DENND1A: variants seen among roughly 807,000 people sequenced by gnomAD.
DENND1A encodes the protein DENN domain-containing protein 1A.
Under a neutral mutation model 113.7 loss-of-function variants are expected in DENND1A, and 51 were observed. The observed-to-expected ratio is 0.45, with a 90% CI of 0.36 to 0.57. DENND1A has a LOEUF of 0.57. Among genes scored for constraint, DENND1A ranks in the 20% least tolerant of loss-of-function variants. The probability of loss-of-function intolerance (pLI) is 0.00; values close to 1 mark genes in which losing one functional copy is unlikely to be tolerated. For missense variants in DENND1A, 1,258 were observed against 1,395.9 expected (o/e 0.90, Z 1.57); for synonymous variants, 565 against 570.8 (o/e 0.99, Z 0.14).
At chr9:123,569,246 G>C (rs372854713) in intron 12 of DENND1A, among the ~76,000 whole-genome samples, 2 of 152,234 alleles carry the variant, frequency 1.3e-5, no homozygotes, top group Admixed American at 6.5e-5. Context: ...AATTGAATTC[G>C]CTGGCAGCAC....
intron 19 of DENND1A, among the ~76,000 whole-genome samples, chr9:123,418,904 G>A (rs973041418): frequency 1.3e-5 from 2 of 152,226 alleles, no homozygotes; most frequent in African/African-American, 4.8e-5. Context: ...TTGTGCATGG[G>A]GCAGAGGGCA....
chr9:123,652,170 T>C (rs2062695231), intron 8 of DENND1A, 47 bp from the exon 9 acceptor site: 1 of 1,443,340 alleles, frequency 6.9e-7, no homozygotes, highest in African/African-American at 1.4e-5. Context: ...TTCTTTGTTC[T>C]TATTATAACT....
chr9:123,407,167 C>T (rs994891962), intron 20 of DENND1A, among the ~76,000 whole-genome samples: 5 of 7,672 alleles, frequency 6.5e-4, no homozygotes, highest in Non-Finnish European at 1.2e-3. Flanking sequence ...GGGGGAGGGG[C>T]GGGGGGGTGG....
intron 11 of DENND1A, among the ~76,000 whole-genome samples, chr9:123,584,804 C>A (rs2059083692): frequency 6.6e-6 from 1 of 152,134 alleles, no homozygotes. Context: ...CGCAGGGAGA[C>A]TGACCTCCGC....
intron 10 of DENND1A, among the ~76,000 whole-genome samples, chr9:123,625,419 A>G (rs1179688060): frequency 6.6e-6 from 1 of 152,246 alleles, no homozygotes; most frequent in Admixed American, 6.5e-5. Flanking sequence ...CTAGCTAACA[A>G]TTTAGCAACC....
At chr9:123,482,130 C>T (rs556835175) in intron 13 of DENND1A, among the ~76,000 whole-genome samples, 1 of 152,094 alleles carries the variant, frequency 6.6e-6, no homozygotes, top group African/African-American at 2.4e-5. Flanking sequence ...CAGAGTCTCG[C>T]TCTGTTGCCC....
chr9:123,715,383 A>C (rs1218949689), intron 5 of DENND1A, among the ~76,000 whole-genome samples: 1 of 152,116 alleles, frequency 6.6e-6, no homozygotes, highest in Non-Finnish European at 1.5e-5. Context: ...CTTATCAGAG[A>C]CTGTGAGCTG....
intron 5 of DENND1A, among the ~76,000 whole-genome samples, chr9:123,695,669 T>G (rs542494324): frequency 6.6e-6 from 1 of 152,162 alleles, no homozygotes; most frequent in Admixed American, 6.5e-5. Flanking sequence ...GGATTCAGAC[T>G]TGTAAATCAA....
chr9:123,822,070 C>A (rs1250929901), intron 2 of DENND1A, among the ~76,000 whole-genome samples: 1 of 152,216 alleles, frequency 6.6e-6, no homozygotes, highest in African/African-American at 2.4e-5. Context: ...CTATTATTGT[C>A]TTAATCCTTA....
Position 123,520,147 on chromosome 9 carries a change from CAAA to C in DENND1A, c.993+37420_993+37422del, listed in dbSNP as rs777054330. ...TGGGAAACAGAGCAAGATCCTGTCT[CAAA>C]AAAAAAAAAAAAAAAAAAAAAAAAG... is the stretch of plus-strand genomic sequence containing the variant. On this transcript the variant is annotated intron_variant, in intron 13 of 23. Coordinates refer to ENST00000394215, the MANE Select transcript of DENND1A (RefSeq NM_001352964.2). Among the ~76,000 whole-genome samples the C allele has an allele frequency of 8.8e-4, 33 of 37,316 alleles. 1 individual carries two copies. The highest frequency in any genetic ancestry group is 1.2e-3 in the African/African-American group (15 of 12,808). 24.5% of individuals were successfully genotyped at this position (37,316 alleles called of 152,430 possible).
chr9:123,670,585 C>A (rs907009917), intron 7 of DENND1A, among the ~76,000 whole-genome samples: 5 of 152,130 alleles, frequency 3.3e-5, no homozygotes, highest in Non-Finnish European at 4.4e-5. Context: ...GAGCACAGTG[C>A]AGAACATGTA....
chr9:123,382,334 G>C lies in DENND1A; in HGVS notation c.2311C>G (p.Leu771Val). The C allele has an allele frequency of 6.2e-7, 1 of 1,607,416 alleles. No individual in the cohort carries two copies. The highest frequency in any genetic ancestry group is 8.5e-7 in the Non-Finnish European group (1 of 1,177,260). Residue 771 changes from leucine to valine, a missense_variant, in exon 24 of 24, where the codon CTG (leucine) becomes GTG (valine). Around this residue, in one of 2 missense-constraint regions of DENND1A, gnomAD observed 1,159 missense variants for 1,231.7 expected, o/e 0.94. Coordinates refer to ENST00000394215, the MANE Select transcript of DENND1A (RefSeq NM_001352964.2). ...PRPQGRKTPE[L>V]GIVPPPPIPR... ...ATGGGCGGTGGAGGCACGATGCCCAGCTCTGGGGTCTTCCTGCCTTGGGGC... is the reference window on the plus strand; with the variant it reads ...ATGGGCGGTGGAGGCACGATGCCCACCTCTGGGGTCTTCCTGCCTTGGGGC...
intron 13 of DENND1A, among the ~76,000 whole-genome samples, chr9:123,470,863 G>A (rs1445500521): frequency 2.0e-5 from 3 of 152,090 alleles, no homozygotes; most frequent in African/African-American, 4.8e-5. Flanking sequence ...CTCCTCCTCC[G>A]AACGTCACTC....
chr9:123,483,582 G>T (rs1001371988), intron 13 of DENND1A, among the ~76,000 whole-genome samples: 14 of 152,266 alleles, frequency 9.2e-5, no homozygotes, highest in African/African-American at 2.9e-4. Context: ...AAGTCTGCCA[G>T]GGTCTGTTCC....
At chr9:123,688,460 T>G (rs2064960160) in intron 5 of DENND1A, among the ~76,000 whole-genome samples, 3 of 152,228 alleles carry the variant, frequency 2.0e-5, no homozygotes, top group African/African-American at 7.2e-5. Flanking sequence ...ATGGCATAAC[T>G]TCCACTAAAG....
intron 11 of DENND1A, among the ~76,000 whole-genome samples, chr9:123,600,994 G>A (rs997388064): frequency 2.6e-5 from 4 of 152,116 alleles, no homozygotes; most frequent in Non-Finnish European, 5.9e-5. Context: ...GACTCATTCA[G>A]GCTTCTCTTG....
intron 2 of DENND1A, among the ~76,000 whole-genome samples, chr9:123,818,565 CACATAT>C (rs781576774): frequency 0.026 from 1,171 of 45,392 alleles, 31 homozygotes; most frequent in Admixed American, 0.19. Context: ...CACACACACA[CACATAT>C]ATATATATAT....
intron 19 of DENND1A, among the ~76,000 whole-genome samples, chr9:123,437,374 G>A (rs1431969644): frequency 5.9e-5 from 9 of 152,274 alleles, no homozygotes; most frequent in Non-Finnish European, 1.2e-4. Context: ...GCCAGCCCCC[G>A]CTGCAGAGCT....
chr9:123,516,089 GAT>G (rs2053869796), intron 13 of DENND1A, among the ~76,000 whole-genome samples: 4 of 136,786 alleles, frequency 2.9e-5, no homozygotes, highest in South Asian at 2.5e-4. Context: ...TATATATATA[GAT>G]ATATATACAC....
Sources: gnomAD v4.1 joint callset for allele counts (sites outside exome capture counted in the v4.1 genomes callset) on GRCh38, gnomAD v4.1.1 for gene constraint, gnomAD v4.1.1 regional missense constraint, MANE v1.5 for transcripts, NCBI Gene and HGNC (gene_info 2026-07-23, HGNC 2026-07-21) for gene names.